The following DNER variants were observed in gnomAD, a reference collection of about 807,000 sequenced individuals.
DNER encodes the protein delta/notch like EGF repeat containing, also known as delta and Notch-like epidermal growth factor-related receptor.
Under a neutral mutation model 78.2 loss-of-function variants are expected in DNER, and 33 were observed. The ratio of observed to expected loss-of-function variants is 0.42; its 90% CI spans 0.32 to 0.56. The LOEUF (loss-of-function observed/expected upper bound fraction) is 0.56, where lower values mean the gene tolerates loss of function less well. Among genes scored for constraint, DNER ranks in the 20% least tolerant of loss-of-function variants. The pLI, the probability that DNER is intolerant of heterozygous loss-of-function variation, is 0.11. For missense variants in DNER, 918 were observed against 975.3 expected (o/e 0.94, Z 0.78); for synonymous variants, 417 against 384.8 (o/e 1.08, Z -0.98).
At chr2:229,364,081 T>A (rs1441747988) in intron 12 of DNER, among the ~76,000 whole-genome samples, 1 of 147,064 alleles carries the variant, frequency 6.8e-6, no homozygotes, top group Admixed American at 7.0e-5. Context: ...GCCAGGATGA[T>A]CTCTATCTCT....
intron 1 of DNER, among the ~76,000 whole-genome samples, chr2:229,630,333 G>A (rs754890731): frequency 9.9e-5 from 15 of 151,822 alleles, no homozygotes; most frequent in East Asian, 1.9e-4. Flanking sequence ...GAAATTAGCC[G>A]GGTATGCTGG....
At chr2:229,539,625 T>C (rs551787900) in intron 5 of DNER, among the ~76,000 whole-genome samples, 1 of 152,332 alleles carries the variant, frequency 6.6e-6, no homozygotes, top group Admixed American at 6.5e-5. Context: ...TGGATTCCTA[T>C]CTTATTTCCG....
chr2:229,487,303 T>C (rs1184528096), intron 6 of DNER, among the ~76,000 whole-genome samples: 1 of 152,260 alleles, frequency 6.6e-6, no homozygotes. Context: ...ATACTCATTA[T>C]ATAGTAAACT....
chr2:229,595,533 C>T (rs141157986), intron 1 of DNER, among the ~76,000 whole-genome samples: 5 of 152,270 alleles, frequency 3.3e-5, no homozygotes, highest in East Asian at 1.9e-4. Context: ...CCACCTGCCT[C>T]GGCCTCCCAA....
chr2:229,500,274 A>C (rs1229703718), intron 6 of DNER, among the ~76,000 whole-genome samples: 1 of 152,194 alleles, frequency 6.6e-6, no homozygotes, highest in African/African-American at 2.4e-5. Flanking sequence ...ATGGCCAACA[A>C]GTATATGAAA....
intron 4 of DNER, among the ~76,000 whole-genome samples, chr2:229,565,663 CA>C (rs1319182501): frequency 3.3e-5 from 5 of 152,174 alleles, no homozygotes; most frequent in Non-Finnish European, 7.4e-5. Flanking sequence ...GCCTATTTCT[CA>C]CATTAAGTAA....
At chr2:229,621,299 C>T (rs140444260) in intron 1 of DNER, among the ~76,000 whole-genome samples, 1 of 152,216 alleles carries the variant, frequency 6.6e-6, no homozygotes, top group East Asian at 1.9e-4. Context: ...GTAGAATCTT[C>T]CTAAAGCACA....
At chr2:229,584,694 G>T (rs951497871) in intron 4 of DNER, among the ~76,000 whole-genome samples, 4 of 152,116 alleles carry the variant, frequency 2.6e-5, no homozygotes, top group African/African-American at 9.7e-5. Flanking sequence ...ATTTTGGGAG[G>T]CCGAGGCGGG....
In DNER at chr2:229,617,646, GAA is replaced by G. The variant is rs538786800; in HGVS notation, c.277-25760_277-25759del. ...AAAATAGTTTTTTTGTTATAAGCAT[GAA>G]AAGAGTCCCAGGTCAGAAATTCAGG... is the stretch of plus-strand genomic sequence containing the variant. On this transcript the variant is annotated intron_variant, in intron 1 of 12. Coordinates refer to ENST00000341772, the MANE Select transcript of DNER (RefSeq NM_139072.4). 1.4e-4 allele frequency among the ~76,000 whole-genome samples: 21 copies of G among 152,290 alleles called. No individual in the cohort carries two copies. In the East Asian group the frequency reaches 4.1e-3, roughly 29 times the overall value.
intron 4 of DNER, among the ~76,000 whole-genome samples, chr2:229,575,646 C>T (rs565940135): frequency 2.6e-5 from 4 of 152,204 alleles, no homozygotes; most frequent in East Asian, 3.9e-4. Context: ...CCAACACCAC[C>T]GCAGCCTGGG....
intron 5 of DNER, among the ~76,000 whole-genome samples, chr2:229,530,743 T>C (rs1696285833): frequency 6.6e-6 from 1 of 152,270 alleles, no homozygotes; most frequent in African/African-American, 2.4e-5. Context: ...AACTCTCCTC[T>C]GCCGTGAACT....
intron 8 of DNER, among the ~76,000 whole-genome samples, chr2:229,439,877 TG>T (rs1360432322): frequency 1.3e-5 from 2 of 152,238 alleles, no homozygotes; most frequent in Non-Finnish European, 2.9e-5. Context: ...TGATTTCTGC[TG>T]TCCTCACAGA....
intron 2 of DNER, among the ~76,000 whole-genome samples, chr2:229,590,867 C>T (rs968708250): frequency 6.6e-6 from 1 of 152,144 alleles, no homozygotes; most frequent in Non-Finnish European, 1.5e-5. Context: ...GATGTTTGGG[C>T]CATGGGGGCA....
rs542335998 is a variant in DNER at position 229,586,555 on chromosome 2, C to T, written c.681-531G>A. ...AAAAAAAAAAAAAAAAAAAAACACA[C>T]AAAACCACCCCACAGAGAATAGGAT... On this transcript the variant is annotated intron_variant, in intron 3 of 12. Transcript: ENST00000341772. 421 of 189,204 alleles carry T rather than the reference C, an allele frequency of 2.2e-3. 3 individuals are homozygous for T. Among genetic ancestry groups the T allele is most frequent in the Non-Finnish European group, 3.1e-3 (375 of 121,212 alleles). The allele number at this position is 189,204 out of a possible 1,614,324, so 11.7% of individuals were successfully genotyped here. A position where few individuals can be genotyped will look rare whatever the true frequency, so the allele number is the denominator to read the frequency against.
chr2:229,563,379 T>G (rs1247855952), intron 4 of DNER, among the ~76,000 whole-genome samples: 1 of 135,482 alleles, frequency 7.4e-6, no homozygotes, highest in East Asian at 2.4e-4. Flanking sequence ...ATCATCATCC[T>G]CACCCCATCA....
At chr2:229,518,673 C>T (rs941858889) in intron 5 of DNER, among the ~76,000 whole-genome samples, 3 of 152,146 alleles carry the variant, frequency 2.0e-5, no homozygotes, top group Non-Finnish European at 4.4e-5. Flanking sequence ...AATCTTGGAC[C>T]GTATTCTCTT....
intron 10 of DNER, among the ~76,000 whole-genome samples, chr2:229,404,824 A>C (rs1204624632): frequency 6.6e-6 from 1 of 152,248 alleles, no homozygotes; most frequent in East Asian, 1.9e-4. Flanking sequence ...GCATAAAATT[A>C]ATTCATACAT....
intron 11 of DNER, among the ~76,000 whole-genome samples, chr2:229,379,647 A>T (rs1274566570): frequency 6.6e-6 from 1 of 152,154 alleles, no homozygotes; most frequent in Non-Finnish European, 1.5e-5. Context: ...ACTCTGCCCT[A>T]AAGGCACAAA....
At chr2:229,609,410 G>C (rs1481709088) in intron 1 of DNER, among the ~76,000 whole-genome samples, 2 of 152,186 alleles carry the variant, frequency 1.3e-5, no homozygotes, top group African/African-American at 2.4e-5. Context: ...TCAAAAGAAG[G>C]TTAATATTCC....
Sources: gnomAD v4.1 joint callset for allele counts (sites outside exome capture counted in the v4.1 genomes callset) on GRCh38, gnomAD v4.1.1 for gene constraint, MANE v1.5 for transcripts, NCBI Gene and HGNC (gene_info 2026-07-23, HGNC 2026-07-21) for gene names.